Variants in INO80D observed in about 807,000 individuals in gnomAD.
The protein encoded by INO80D is INO80 complex subunit D.
Under a neutral mutation model 87.6 loss-of-function variants are expected in INO80D, and 21 were observed. The observed-to-expected ratio is 0.24, with a 90% confidence interval of 0.17 to 0.35. The LOEUF is 0.35. Among genes scored for constraint, INO80D ranks in the 10% least tolerant of loss-of-function variants. The probability of loss-of-function intolerance (pLI) is 1.00; values close to 1 mark genes in which losing one functional copy is unlikely to be tolerated. For missense variants in INO80D, 982 were observed against 1,280.7 expected, an observed-to-expected ratio of 0.77 and a Z score of 3.56; for synonymous variants, 440 against 491.0, an observed-to-expected ratio of 0.90 and a Z score of 1.37.
chr2:206,045,850 G>C (rs543878109), intron 5 of INO80D, among the ~76,000 whole-genome samples: 8 of 152,208 alleles, frequency 5.3e-5, no homozygotes, highest in African/African-American at 1.9e-4. Context: ...AGGCAAGATA[G>C]TGGGACTCCA....
chr2:206,051,339 C>T (rs1250969603), intron 4 of INO80D, among the ~76,000 whole-genome samples: 1 of 151,732 alleles, frequency 6.6e-6, no homozygotes, highest in Non-Finnish European at 1.5e-5. Flanking sequence ...GCCTCAGCCT[C>T]CCAAGTAGCA....
At chr2:206,040,278 T>C (rs1200652520) in intron 5 of INO80D, among the ~76,000 whole-genome samples, 3 of 132,810 alleles carry the variant, frequency 2.3e-5, no homozygotes, top group Non-Finnish European at 4.8e-5. Flanking sequence ...AGAGTGCGAC[T>C]CTGTCTCAAA....
At chr2:206,016,060 C>A (rs1435796600) in intron 8 of INO80D, among the ~76,000 whole-genome samples, 2 of 152,162 alleles carry the variant, frequency 1.3e-5, no homozygotes, top group African/African-American at 4.8e-5. Context: ...AAGAGGGCCA[C>A]CATCCTCCAG....
At position 206,062,921 on chromosome 2, in the gene INO80D, G is replaced by A; in HGVS notation, c.96C>T (p.Gly32=). 2 of 1,613,448 alleles carry A rather than the reference G, an allele frequency of 1.2e-6. No homozygotes were observed. The highest frequency in any genetic ancestry group is 2.2e-5 in the East Asian group (1 of 44,870). ...GAACGTGTCTGATACAGAAGGCGTA[G>A]CCGTTGAGTCGCCTCTGCTTGCACA... The part of the protein sequence containing the change: ...PKLCKQRRLN[G]YAFCIRHVLE... Residue 32 remains glycine, a synonymous_variant, in exon 3 of 11, where the codon GGC becomes GGT. Coordinates refer to ENST00000403263, the MANE Select transcript of INO80D (RefSeq NM_017759.5). This position sits in a 1 kb window ranked among gnomAD's most constrained non-coding sequence, Gnocchi z 4.6.
intron 4 of INO80D, among the ~76,000 whole-genome samples, chr2:206,052,462 G>A (rs1419861007): frequency 6.6e-6 from 1 of 152,064 alleles, no homozygotes; most frequent in Non-Finnish European, 1.5e-5. Context: ...CAAAGTGTTG[G>A]GATTACAGGT....
At chr2:206,022,026 G>C (rs1395963787) in intron 6 of INO80D, among the ~76,000 whole-genome samples, 2 of 151,860 alleles carry the variant, frequency 1.3e-5, no homozygotes, top group African/African-American at 2.4e-5. Context: ...ATAACTATTG[G>C]TTTCATTTTT....
At chr2:206,036,811 G>A (rs1302711523) in intron 5 of INO80D, among the ~76,000 whole-genome samples, 1 of 152,152 alleles carries the variant, frequency 6.6e-6, no homozygotes, top group Non-Finnish European at 1.5e-5. Flanking sequence ...GCTGAGGCAC[G>A]TTACATGATT....
chr2:206,017,860 T>C, intron 7 of INO80D, 47 bp from the exon 8 acceptor site: 1 of 1,546,354 alleles, frequency 6.5e-7, no homozygotes. Flanking sequence ...ACTCTAATTT[T>C]TCAATTTCTA....
At chr2:206,083,443 A>T (rs565699428) in intron 1 of INO80D, among the ~76,000 whole-genome samples, 51 of 152,286 alleles carry the variant, frequency 3.3e-4, no homozygotes, top group African/African-American at 1.2e-3. Context: ...ACACATGTTT[A>T]AAAAAATGTC....
chr2:206,030,266 G>A (rs940713697), intron 5 of INO80D, among the ~76,000 whole-genome samples: 1 of 152,158 alleles, frequency 6.6e-6, no homozygotes, highest in African/African-American at 2.4e-5. Flanking sequence ...CTGAGGTCAA[G>A]AGTTTGACCA....
At chr2:206,067,243 TC>T (rs1302525265) in intron 1 of INO80D, among the ~76,000 whole-genome samples, 9 of 140,644 alleles carry the variant, frequency 6.4e-5, no homozygotes, top group African/African-American at 2.4e-4. Flanking sequence ...TGCAACCGTC[TC>T]CAAAAAAAAA....
chr2:206,042,737 T>C (rs1435291226), intron 5 of INO80D, among the ~76,000 whole-genome samples: 1 of 149,226 alleles, frequency 6.7e-6, no homozygotes, highest in Admixed American at 6.7e-5. Context: ...GTAATCCCAA[T>C]ACTTCGGAAG....
intron 4 of INO80D, among the ~76,000 whole-genome samples, chr2:206,048,863 T>G (rs1689269835): frequency 6.6e-6 from 1 of 152,192 alleles, no homozygotes; most frequent in East Asian, 1.9e-4. Context: ...ATCATGTAAC[T>G]GCATTTCAGC....
At chr2:206,025,569 A>ATATATATATATATAT (rs1559439742) in intron 6 of INO80D, 1 of 120,854 alleles carries the variant, frequency 8.3e-6, no homozygotes, top group Non-Finnish European at 1.8e-5. Flanking sequence ...ATATATATAT[A>ATATATATATATATAT]AAATAACTAA....
In INO80D at chr2:206,031,448, C is replaced by G. The variant is rs1190884365; in HGVS notation, c.1074-3113G>C. 2.0e-5 allele frequency among the ~76,000 whole-genome samples: 3 copies of G among 152,080 alleles called. No homozygotes were observed. The East Asian group carries it at 5.8e-4, about 29-fold the overall frequency. On this transcript the variant is annotated intron_variant, in intron 5 of 10. Coordinates refer to ENST00000403263, the MANE Select transcript of INO80D (RefSeq NM_017759.5). ...GGCAGATCTTAAAGGGAAGGTAAAG[C>G]TTGGGTCGATAATCAGTTGCCAAAA...
chr2:206,060,957 T>C (rs945914918), intron 3 of INO80D, among the ~76,000 whole-genome samples: 2 of 152,098 alleles, frequency 1.3e-5, no homozygotes, highest in Admixed American at 1.3e-4. Flanking sequence ...AAGACAAAGG[T>C]GTATACAGAT....
chr2:206,084,869 A>G (rs943951199), intron 1 of INO80D: 41 of 152,370 alleles, frequency 2.7e-4, no homozygotes, highest in African/African-American at 9.4e-4. Flanking sequence ...CCACCCCAAA[A>G]ACCCAGTCAC....
intron 8 of INO80D, among the ~76,000 whole-genome samples, chr2:206,015,627 G>A (rs572870457): frequency 4.6e-5 from 7 of 152,202 alleles, no homozygotes; most frequent in Non-Finnish European, 8.8e-5. Flanking sequence ...GCTCACGCCT[G>A]TAATCTCAGC....
In INO80D at chr2:206,085,409, T is replaced by G. The variant is rs546122898; in HGVS notation, c.-124+492A>C. ...CCACTCCTAGGCCCTGACGCCCCTGTCCCGGCAGCCCGGGCCTGCCGCCCC... is the reference window on the plus strand; with the variant it reads ...CCACTCCTAGGCCCTGACGCCCCTGGCCCGGCAGCCCGGGCCTGCCGCCCC... On this transcript the variant is annotated intron_variant, in intron 1 of 10. Transcript: ENST00000403263. This position sits in a 1 kb window ranked among gnomAD's most constrained non-coding sequence, Gnocchi z 4.5. The G allele has an allele frequency of 1.2e-4, 18 of 151,618 alleles. No individual in the cohort carries two copies. Among genetic ancestry groups the G allele is most frequent in the Non-Finnish European group, 2.2e-4 (15 of 67,836 alleles). 9.4% of individuals were successfully genotyped at this position (151,618 alleles called of 1,614,324 possible).
Sources: allele counts gnomAD v4.1 joint callset (sites outside exome capture counted in the v4.1 genomes callset), GRCh38; gene constraint gnomAD v4.1.1; non-coding constraint Gnocchi (gnomAD v3.1); transcripts MANE v1.5; gene names NCBI Gene and HGNC (gene_info 2026-07-23, HGNC 2026-07-21).